COG2: variants seen among roughly 807,000 people sequenced by gnomAD.
COG2 encodes the protein conserved oligomeric Golgi complex subunit 2.
COG2 carries 52 observed loss-of-function variants against 90.6 expected under a neutral mutation model. The observed-to-expected ratio is 0.57, with a 90% CI of 0.46 to 0.72. COG2 has a LOEUF of 0.72. COG2 is among the 30% of genes least tolerant of loss of function. The pLI is 0.00. For synonymous variants in COG2, 337 were observed against 320.4 expected (o/e 1.05, Z -0.55); for missense variants, 829 against 891.2 (o/e 0.93, Z 0.89).
intron 3 of COG2, among the ~76,000 whole-genome samples, chr1:230,662,511 A>G (rs1425530178): frequency 6.6e-6 from 1 of 151,976 alleles, no homozygotes; most frequent in Non-Finnish European, 1.5e-5. Context: ...ATGTTTCTCC[A>G]CTTATGACCT....
chr1:230,658,443 CCTGCCA>C (rs1163468817), intron 1 of COG2, among the ~76,000 whole-genome samples: 4 of 152,152 alleles, frequency 2.6e-5, no homozygotes, highest in African/African-American at 9.7e-5. Context: ...CAGAGGGGCA[CCTGCCA>C]GATGCCAGCC....
chr1:230,672,904 G>A (rs577231432), intron 8 of COG2, among the ~76,000 whole-genome samples: 41 of 152,232 alleles, frequency 2.7e-4, no homozygotes, highest in African/African-American at 9.9e-4. Context: ...GGCAAATAAG[G>A]TCTCTGTTTT....
At chr1:230,666,833 G>T (rs1450058849) in intron 5 of COG2, among the ~76,000 whole-genome samples, 1 of 152,146 alleles carries the variant, frequency 6.6e-6, no homozygotes, top group African/African-American at 2.4e-5. Context: ...AAAAAAGCAG[G>T]TTATAAAACG....
chr1:230,667,913 CATTTT>C (rs889366269), intron 5 of COG2, among the ~76,000 whole-genome samples: 41 of 152,210 alleles, frequency 2.7e-4, no homozygotes, highest in Admixed American at 1.1e-3. Flanking sequence ...GTGATATTGA[CATTTT>C]ATAATATGTT....
chr1:230,668,001 C>T (rs1168885962), intron 5 of COG2, among the ~76,000 whole-genome samples: 1 of 152,112 alleles, frequency 6.6e-6, no homozygotes, highest in Non-Finnish European at 1.5e-5. Context: ...GGACCCACAG[C>T]ATGTAGGTTG....
chr1:230,682,864 CTATA>C (rs999557280), intron 10 of COG2: 1 of 152,154 alleles, frequency 6.6e-6, no homozygotes, highest in African/African-American at 2.4e-5. Context: ...CTTAAAAAAA[CTATA>C]TAACACATTT....
chr1:230,664,371 T>C lies in COG2; in HGVS notation c.382-113T>C, dbSNP rs144084430. 724 of 435,736 alleles carry C rather than the reference T, an allele frequency of 1.7e-3. 3 individuals are homozygous for C. Among genetic ancestry groups the C allele is most frequent in the African/African-American group, 0.013 (652 of 48,824 alleles). The allele number at this position is 435,736 out of a possible 1,614,324, so 27.0% of individuals were successfully genotyped here. On this transcript the variant is annotated intron_variant, in intron 4 of 17. Coordinates refer to ENST00000366669, the MANE Select transcript of COG2 (RefSeq NM_007357.3). The stretch of plus-strand genomic sequence containing the variant: ...GAAATACTAAAAATATAGAATGCTA[T>C]AGGTAATTTTACGTTGACTTTTGAC...
intron 8 of COG2, among the ~76,000 whole-genome samples, chr1:230,673,597 C>T (rs1470812855): frequency 6.6e-6 from 1 of 152,202 alleles, no homozygotes; most frequent in Non-Finnish European, 1.5e-5. Context: ...ATAGTGATTA[C>T]ATTATGTATA....
chr1:230,667,246 T>A (rs1258606932), intron 5 of COG2, among the ~76,000 whole-genome samples: 1 of 152,218 alleles, frequency 6.6e-6, no homozygotes, highest in African/African-American at 2.4e-5. Flanking sequence ...ATGACCTCAG[T>A]GATGTCTGTT....
chr1:230,678,310 A>G, intron 9 of COG2: 1 of 983,860 alleles, frequency 1.0e-6, no homozygotes, highest in South Asian at 4.7e-5. Flanking sequence ...AATGGGGATG[A>G]TGATGATGAT....
chr1:230,665,483 C>T (rs528484786), intron 5 of COG2, among the ~76,000 whole-genome samples: 1 of 152,126 alleles, frequency 6.6e-6, no homozygotes, highest in African/African-American at 2.4e-5. Context: ...AAGTCCTGAT[C>T]GTATTATCAA....
intron 1 of COG2, among the ~76,000 whole-genome samples, chr1:230,653,819 G>C (rs1661976772): frequency 6.6e-6 from 1 of 152,028 alleles, no homozygotes; most frequent in Admixed American, 6.6e-5. Flanking sequence ...TGGATGGCAG[G>C]AGCATACAAG....
At chr1:230,656,888 G>A (rs1472225296) in intron 1 of COG2, among the ~76,000 whole-genome samples, 1 of 152,138 alleles carries the variant, frequency 6.6e-6, no homozygotes, top group Admixed American at 6.5e-5. Context: ...GATTAGGATT[G>A]CAACTCCTGC....
At chr1:230,692,260 C>G (rs1663047379) in intron 17 of COG2, among the ~76,000 whole-genome samples, 3 of 151,554 alleles carry the variant, frequency 2.0e-5, no homozygotes, top group African/African-American at 7.3e-5. Context: ...CAAGGGAGGC[C>G]TTTCCACAGG....
intron 2 of COG2, among the ~76,000 whole-genome samples, chr1:230,660,083 C>T (rs754670780): frequency 2.6e-5 from 4 of 152,170 alleles, no homozygotes; most frequent in Non-Finnish European, 4.4e-5. Flanking sequence ...TAGTTTGTCA[C>T]GAGCATATCA....
At chr1:230,678,814 A>G in intron 9 of COG2, 99 bp from the exon 10 acceptor site, 1 of 1,582,196 alleles carries the variant, frequency 6.3e-7, no homozygotes. Flanking sequence ...TGTGATTCTT[A>G]CGTGTTGAGC....
intron 9 of COG2, chr1:230,678,584 A>G: frequency 5.6e-6 from 7 of 1,241,914 alleles, no homozygotes; most frequent in South Asian, 1.5e-5. Context: ...TATGTCATTT[A>G]ATCTGCTGTC....
intron 1 of COG2, among the ~76,000 whole-genome samples, chr1:230,648,019 A>G (rs1454517078): frequency 2.6e-5 from 4 of 152,202 alleles, no homozygotes; most frequent in Non-Finnish European, 5.9e-5. Flanking sequence ...ACCCAGGGCC[A>G]TTATCTCATG....
intron 1 of COG2, among the ~76,000 whole-genome samples, chr1:230,655,894 T>A (rs1278936648): frequency 6.6e-6 from 1 of 152,238 alleles, no homozygotes; most frequent in African/African-American, 2.4e-5. Context: ...CTAGAGGTGT[T>A]TATAGTGTTC....
Sources: allele counts gnomAD v4.1 joint callset (sites outside exome capture counted in the v4.1 genomes callset), GRCh38; gene constraint gnomAD v4.1.1; transcripts MANE v1.5; gene names NCBI Gene and HGNC (gene_info 2026-07-23, HGNC 2026-07-21).